Variants in DIP2B observed in about 807,000 individuals in gnomAD.
DIP2B encodes DIP2 acetate--CoA ligase B (putative), also known as disco-interacting protein 2 homolog B.
Under a neutral mutation model 198.0 loss-of-function variants are expected in DIP2B, and 76 were observed. The ratio of observed to expected loss-of-function variants is 0.38; its 90% CI spans 0.32 to 0.46. The LOEUF (loss-of-function observed/expected upper bound fraction) is 0.46, where lower values mean the gene tolerates loss of function less well. Among genes scored for constraint, DIP2B ranks in the 20% least tolerant of loss-of-function variants. The probability of loss-of-function intolerance (pLI) is 0.99; values close to 1 mark genes in which losing one functional copy is unlikely to be tolerated. For synonymous variants in DIP2B, 701 were observed against 739.1 expected, an observed-to-expected ratio of 0.95 and a Z score of 0.84; for missense variants, 1,559 against 1,978.4, an observed-to-expected ratio of 0.79 and a Z score of 4.02.
intron 1 of DIP2B, among the ~76,000 whole-genome samples, chr12:50,560,437 A>G (rs981915494): frequency 6.7e-6 from 1 of 149,590 alleles, no homozygotes; most frequent in Admixed American, 6.7e-5. Context: ...GCGTGGTGGC[A>G]TGTACCTGTA....
intron 17 of DIP2B, among the ~76,000 whole-genome samples, chr12:50,697,927 G>C (rs1436390728): frequency 1.3e-5 from 2 of 151,734 alleles, no homozygotes; most frequent in Admixed American, 1.3e-4. Context: ...TGAGAGATGG[G>C]GTCTTGCTCT....
chr12:50,605,403 G>A (rs139336474), intron 1 of DIP2B, among the ~76,000 whole-genome samples: 8 of 152,128 alleles, frequency 5.3e-5, no homozygotes, highest in South Asian at 2.1e-4. Context: ...GCAACATGGC[G>A]AAATACAAAA....
intron 28 of DIP2B, among the ~76,000 whole-genome samples, chr12:50,725,150 A>G (rs1939908698): frequency 6.6e-6 from 1 of 152,196 alleles, no homozygotes; most frequent in African/African-American, 2.4e-5. Context: ...TTAGGTTTTT[A>G]TGCTACATGT....
At position 50,739,417 on chromosome 12, in the gene DIP2B, G is replaced by T. The variant is rs1592149935; in HGVS notation, c.4185G>T (p.Val1395=). ...AAGCACTTTTCTTGTAGATTTGGGT[G>T]AACAGTCCCCATACAGCCAGCGGCT... The part of the protein sequence containing the change: ...VGDSHLGEIW[V]NSPHTASGYY... Residue 1395 remains valine, a synonymous_variant, in exon 36 of 38, where the codon GTG becomes GTT. Transcript: ENST00000301180. 1 of 1,607,824 alleles carries T rather than the reference G, an allele frequency of 6.2e-7. No homozygotes were observed. The highest frequency in any genetic ancestry group is 1.1e-5 in the South Asian group (1 of 90,944).
intron 1 of DIP2B, among the ~76,000 whole-genome samples, chr12:50,538,779 A>G (rs565766395): frequency 2.6e-5 from 4 of 152,316 alleles, no homozygotes; most frequent in African/African-American, 9.6e-5. Context: ...TTAAGTAAAT[A>G]TTATTTACTT....
chr12:50,696,018 T>G (rs771561585), intron 16 of DIP2B, 51 bp downstream of exon 16: 2 of 1,610,914 alleles, frequency 1.2e-6, no homozygotes, highest in Non-Finnish European at 1.7e-6. Flanking sequence ...TTTGATAGAT[T>G]AGGGTTTTTC....
intron 21 of DIP2B, among the ~76,000 whole-genome samples, chr12:50,707,492 G>A (rs1054401685): frequency 1.2e-4 from 18 of 152,216 alleles, no homozygotes; most frequent in Middle Eastern, 3.2e-3. Flanking sequence ...GGCAGACTCT[G>A]CTCTCCGGTG....
intron 35 of DIP2B, among the ~76,000 whole-genome samples, 178 bp from the exon 36 acceptor site, chr12:50,739,231 G>C (rs1940193216): frequency 6.6e-6 from 1 of 152,240 alleles, no homozygotes; most frequent in Non-Finnish European, 1.5e-5. Flanking sequence ...ATATATATCA[G>C]GATGGATGGA....
In DIP2B at chr12:50,741,419, G is replaced by A. The variant is rs567809853; in HGVS notation, c.4358G>A (p.Arg1453His). The A allele has an allele frequency of 1.4e-5, 22 of 1,613,742 alleles. No homozygotes were observed. The highest frequency in any genetic ancestry group is 1.2e-4 in the Admixed American group (7 of 60,020). ...RTELTAATGE[R>H]HDALYVVGAL... ...TCTCTCTTTTTCTTTCTGTCAGAGC[G>A]TCATGATGCATTGTATGTGGTGGGA... is the stretch of plus-strand genomic sequence containing the variant. The change falls in exon 37 of 38, where the codon CGT becomes CAT. Residue 1453 changes from arginine (R) to histidine (H), a missense_variant. Physicochemically the swap from Arg to His is conservative, Grantham distance 29. Transcript: ENST00000301180.
intron 30 of DIP2B, 119 bp downstream of exon 30, chr12:50,728,797 C>G (rs1018475498): frequency 2.9e-6 from 4 of 1,357,994 alleles, no homozygotes; most frequent in African/African-American, 2.9e-5. Context: ...GCTAGTGTTT[C>G]CAGAATTTAT....
At chr12:50,643,405 CTGTGTGTG>C (rs57483938) in intron 3 of DIP2B, among the ~76,000 whole-genome samples, 5,470 of 131,160 alleles carry the variant, frequency 0.042, 314 homozygotes, top group East Asian at 0.27. Flanking sequence ...GGGAGTTTTT[CTGTGTGTG>C]TGTGTGTGTG....
intron 1 of DIP2B, among the ~76,000 whole-genome samples, chr12:50,572,728 A>G (rs934949400): frequency 2.6e-5 from 4 of 152,222 alleles, no homozygotes; most frequent in African/African-American, 9.7e-5. Context: ...TAGTTTCCTT[A>G]AAATGTTGGT....
chr12:50,734,012 A>T, intron 32 of DIP2B, 123 bp from the exon 33 acceptor site: 1 of 979,280 alleles, frequency 1.0e-6, no homozygotes, highest in Non-Finnish European at 1.6e-6. Flanking sequence ...CCTACTCTCA[A>T]GGGGAGGAGA....
intron 28 of DIP2B, among the ~76,000 whole-genome samples, chr12:50,726,493 G>C (rs985793538): frequency 1.3e-5 from 2 of 152,020 alleles, no homozygotes; most frequent in African/African-American, 4.8e-5. Flanking sequence ...TGGGATTACA[G>C]GCATGAACCA....
intron 7 of DIP2B, among the ~76,000 whole-genome samples, chr12:50,676,085 G>A (rs1031884321): frequency 1.3e-5 from 2 of 152,158 alleles, no homozygotes; most frequent in African/African-American, 4.8e-5. Context: ...AAGTGTAACA[G>A]TGATTTATTC....
At chr12:50,743,217 G>T (rs550319655) in intron 37 of DIP2B, among the ~76,000 whole-genome samples, 1 of 152,132 alleles carries the variant, frequency 6.6e-6, no homozygotes, top group African/African-American at 2.4e-5. Context: ...CGGGTAGCTG[G>T]GACTACAGGC....
chr12:50,576,618 A>G (rs1265754793), intron 1 of DIP2B, among the ~76,000 whole-genome samples: 1 of 151,398 alleles, frequency 6.6e-6, no homozygotes, highest in African/African-American at 2.4e-5. Flanking sequence ...AGCTGGGACT[A>G]CAGGCGCCCG....
intron 35 of DIP2B, among the ~76,000 whole-genome samples, chr12:50,738,775 C>T (rs896099078): frequency 1.3e-5 from 2 of 152,194 alleles, no homozygotes; most frequent in African/African-American, 4.8e-5. Flanking sequence ...CCACCACGCC[C>T]AGCCTATTTT....
intron 1 of DIP2B, among the ~76,000 whole-genome samples, chr12:50,617,525 G>A (rs1160330866): frequency 6.6e-6 from 1 of 151,908 alleles, no homozygotes; most frequent in Non-Finnish European, 1.5e-5. Flanking sequence ...AAAGATGAAA[G>A]GGGTCAGGGG....
Sources: allele counts gnomAD v4.1 joint callset (sites outside exome capture counted in the v4.1 genomes callset), GRCh38; gene constraint gnomAD v4.1.1; transcripts MANE v1.5; gene names NCBI Gene and HGNC (gene_info 2026-07-23, HGNC 2026-07-21).